The following CNOT4 variants were observed in gnomAD, a reference collection of about 807,000 sequenced individuals.
The protein encoded by CNOT4 is CCR4-associated factor 4.
A neutral mutation model predicts 73.8 loss-of-function variants in CNOT4; 8 were observed. The observed-to-expected ratio is 0.11, with a 90% CI of 0.06 to 0.20. The LOEUF is 0.20. CNOT4 is among the 10% of genes least tolerant of loss of function. The pLI is 1.00. For synonymous variants in CNOT4, 293 were observed against 321.1 expected (o/e 0.91, Z 0.94); for missense variants, 564 against 883.4 (o/e 0.64, Z 4.58).
At chr7:135,498,119 G>A (rs908219718) in intron 1 of CNOT4, among the ~76,000 whole-genome samples, 2 of 152,110 alleles carry the variant, frequency 1.3e-5, no homozygotes, top group African/African-American at 4.8e-5. Context: ...CAGATAGTAA[G>A]TAAGTGGCAG....
chr7:135,394,085 T>G lies in CNOT4; in HGVS notation c.1460A>C (p.Asn487Thr). 1 of 1,614,092 alleles carries G rather than the reference T, an allele frequency of 6.2e-7. No homozygotes were observed. Among genetic ancestry groups the G allele is most frequent in the Non-Finnish European group, 8.5e-7 (1 of 1,180,002 alleles). ...PQFQQHRAVY[N>T]SFSFPGQAAR... The stretch of plus-strand genomic sequence containing the variant: ...TGCCTGGCCTGGAAAACTGAATGAA[T>G]TATAAACCGCTCGGTGCTGCTGAAA... Residue 487 changes from asparagine (N) to threonine (T), a missense_variant, in exon 10 of 12, where the codon AAT becomes ACT. By Grantham distance (65) the Asn-to-Thr change is moderately conservative. Coordinates refer to ENST00000541284, the MANE Select transcript of CNOT4 (RefSeq NM_001190850.2).
At chr7:135,442,145 G>T (rs760975367) in intron 1 of CNOT4, among the ~76,000 whole-genome samples, 1 of 152,112 alleles carries the variant, frequency 6.6e-6, no homozygotes, top group South Asian at 2.1e-4. Context: ...AACTTTTAGG[G>T]AATTTCAAGT....
Position 135,363,055 on chromosome 7 carries a change from C to T in CNOT4, c.1972G>A (p.Ala658Thr), listed in dbSNP as rs753536301. The change falls in exon 12 of 12, where the codon GCC (alanine) becomes ACC (threonine). Residue 658 changes from alanine to threonine, a missense_variant. Physicochemically the swap from Ala to Thr is moderately conservative, Grantham distance 58. This residue lies in a region of CNOT4 where 88 missense variants were observed against 94.7 expected (regional missense o/e 0.93). Transcript: ENST00000541284. This position sits in a 1 kb window ranked among gnomAD's most constrained non-coding sequence, Gnocchi z 4.3. The part of the protein sequence containing the change: ...SAAPSQTHHS[A>T]PFSTQIPLHR... ...AGCGGGATCTGTGTGCTGAAGGGGG[C>T]GCTGTGGTGGGTCTGTGATGGAGCA... 55 of 1,612,324 alleles carry T rather than the reference C, an allele frequency of 3.4e-5. No homozygotes were observed. In the East Asian group the frequency reaches 5.6e-4, roughly 16 times the overall value.
intron 3 of CNOT4, among the ~76,000 whole-genome samples, chr7:135,419,308 A>G (rs1798045344): frequency 6.6e-6 from 1 of 152,234 alleles, no homozygotes; most frequent in East Asian, 1.9e-4. Context: ...TCATCCAAAG[A>G]TAAGTAAATT....
chr7:135,414,845 T>C (rs960101178), intron 4 of CNOT4, among the ~76,000 whole-genome samples: 1 of 152,074 alleles, frequency 6.6e-6, no homozygotes, highest in African/African-American at 2.4e-5. Flanking sequence ...ACAAAGACAC[T>C]ATTAAGTTTT....
At position 135,363,404 on chromosome 7, in the gene CNOT4, C is replaced by T. The variant is rs921844303; in HGVS notation, c.1841-218G>A. Among the ~76,000 whole-genome samples the T allele has an allele frequency of 2.6e-5, 4 of 152,190 alleles. No homozygotes were observed. On this transcript the variant is annotated intron_variant, in intron 11 of 11. Coordinates refer to ENST00000541284, the MANE Select transcript of CNOT4 (RefSeq NM_001190850.2). The surrounding 1 kb of genome is among the most constrained non-coding windows in gnomAD (Gnocchi z 4.3). The stretch of plus-strand genomic sequence containing the variant: ...TCCTCTTGAACTAGACTTAGTCCCC[C>T]ACTGTCACAGAGGCAGAGCTGCAAA...
intron 2 of CNOT4, among the ~76,000 whole-genome samples, chr7:135,423,042 C>G (rs1197200511): frequency 1.3e-5 from 2 of 152,126 alleles, no homozygotes; most frequent in Non-Finnish European, 2.9e-5. Context: ...GTCGTCTCAT[C>G]TGTAAAATGG....
chr7:135,376,004 C>G (rs1448418160), intron 10 of CNOT4, among the ~76,000 whole-genome samples: 1 of 150,028 alleles, frequency 6.7e-6, no homozygotes, highest in Admixed American at 6.6e-5. Flanking sequence ...AAGCCAAGAG[C>G]TGAGGTTTCC....
chr7:135,508,122 T>C (rs1804494214), intron 1 of CNOT4, among the ~76,000 whole-genome samples: 1 of 152,242 alleles, frequency 6.6e-6, no homozygotes, highest in South Asian at 2.1e-4. Context: ...GACTGCCACA[T>C]GAGACTGTCA....
chr7:135,363,176 C>A lies in CNOT4; in HGVS notation c.1851G>T (p.Ala617=). 6.2e-7 allele frequency: 1 copy of A among 1,612,716 alleles called. No homozygotes were observed. Among genetic ancestry groups the A allele is most frequent in the African/African-American group, 1.3e-5 (1 of 74,792 alleles). ...TDPAIITGIP[A]SSGNSLDSLQ... ...GAGAGTCTAAACTGTTTCCTGAAGA[C>A]GCTGGAATACCTAAGGAGAGAAAAG... Residue 617 remains alanine (A), a synonymous_variant, in exon 12 of 12, where the codon GCG becomes GCT. Coordinates refer to ENST00000541284, the MANE Select transcript of CNOT4 (RefSeq NM_001190850.2). The surrounding 1 kb of genome is among the most constrained non-coding windows in gnomAD (Gnocchi z 4.3).
intron 10 of CNOT4, among the ~76,000 whole-genome samples, chr7:135,380,963 A>G (rs1028406394): frequency 6.6e-6 from 1 of 152,184 alleles, no homozygotes; most frequent in Non-Finnish European, 1.5e-5. Context: ...ATAGATGGGT[A>G]TCTTAGCAGT....
intron 1 of CNOT4, among the ~76,000 whole-genome samples, chr7:135,487,201 T>A (rs1802777703): frequency 6.6e-6 from 1 of 151,922 alleles, no homozygotes; most frequent in Non-Finnish European, 1.5e-5. Context: ...TTTTTTTTTT[T>A]AATACTCTTC....
At chr7:135,406,534 A>G (rs750848806) in intron 7 of CNOT4, among the ~76,000 whole-genome samples, 5 of 151,878 alleles carry the variant, frequency 3.3e-5, no homozygotes, top group Non-Finnish European at 7.4e-5. Context: ...GTTGATGTGC[A>G]CCTGTAGTTT....
intron 2 of CNOT4, among the ~76,000 whole-genome samples, chr7:135,431,377 A>G (rs1798830528): frequency 6.6e-6 from 1 of 152,250 alleles, no homozygotes; most frequent in African/African-American, 2.4e-5. Context: ...TTAATTAACA[A>G]GGCTTCTTGA....
chr7:135,406,820 T>C (rs566593311), intron 7 of CNOT4, among the ~76,000 whole-genome samples: 1 of 152,284 alleles, frequency 6.6e-6, no homozygotes, highest in South Asian at 2.1e-4. Flanking sequence ...GTTATGAATG[T>C]GCTCTATGGA....
At chr7:135,460,416 G>A (rs1800806123) in intron 1 of CNOT4, among the ~76,000 whole-genome samples, 1 of 152,054 alleles carries the variant, frequency 6.6e-6, no homozygotes, top group Admixed American at 6.6e-5. Context: ...TCTTTCATTT[G>A]AACACTTAGA....
At chr7:135,484,983 C>T (rs189789448) in intron 1 of CNOT4, among the ~76,000 whole-genome samples, 216 of 152,150 alleles carry the variant, frequency 1.4e-3, no homozygotes, top group Admixed American at 0.011. Flanking sequence ...TGTTCATTGA[C>T]GGGAAAATAT....
chr7:135,382,301 T>C (rs1213995154), intron 10 of CNOT4, among the ~76,000 whole-genome samples: 1 of 152,050 alleles, frequency 6.6e-6, no homozygotes, highest in Admixed American at 6.5e-5. Context: ...GACTAAGAAG[T>C]GGAAGGCTAG....
rs143533171 is a variant in CNOT4, at chr7:135,436,353, G to GA, written c.174+1804dup. Among the ~76,000 whole-genome samples, 274 of 141,836 alleles carry GA rather than the reference G, an allele frequency of 1.9e-3. 2 individuals are homozygous for GA. The highest frequency in any genetic ancestry group is 6.4e-3 in the African/African-American group (248 of 38,874). The allele number at this position is 141,836 out of a possible 152,430, so 93.0% of individuals were successfully genotyped here. A position where few individuals can be genotyped will look rare whatever the true frequency, so the allele number is the denominator to read the frequency against. ...AGGTGACTTCATAACATCCCAAAGG[G>GA]AAAAAAAAAAGAAAAGAAAAAGATA... On this transcript the variant is annotated intron_variant, in intron 2 of 11. Coordinates refer to ENST00000541284, the MANE Select transcript of CNOT4 (RefSeq NM_001190850.2).
Sources: gnomAD v4.1 joint callset for allele counts (sites outside exome capture counted in the v4.1 genomes callset) on GRCh38, gnomAD v4.1.1 for gene constraint, gnomAD v4.1.1 regional missense constraint, Gnocchi (gnomAD v3.1) non-coding constraint, MANE v1.5 for transcripts, NCBI Gene and HGNC (gene_info 2026-07-23, HGNC 2026-07-21) for gene names.